CAMTA1: variants seen among roughly 807,000 people sequenced by gnomAD.
CAMTA1 encodes calmodulin binding transcription activator 1, also known as calmodulin-binding transcription activator 1.
CAMTA1 carries 27 observed loss-of-function variants against 170.9 expected under a neutral mutation model. The ratio of observed to expected loss-of-function variants is 0.16; its 90% CI spans 0.12 to 0.22. The LOEUF is 0.22. CAMTA1 is among the 10% of genes least tolerant of loss of function. The probability of loss-of-function intolerance (pLI) is 1.00; values close to 1 mark genes in which losing one functional copy is unlikely to be tolerated. For missense variants in CAMTA1, 1,619 were observed against 2,217.2 expected (o/e 0.73, Z 5.42); for synonymous variants, 833 against 891.5 (o/e 0.93, Z 1.17).
intron 5 of CAMTA1, among the ~76,000 whole-genome samples, chr1:7,424,165 C>G (rs929546281): frequency 6.6e-6 from 1 of 152,166 alleles, no homozygotes; most frequent in African/African-American, 2.4e-5. Context: ...TTCCTACCTT[C>G]AGGGAGGCTG....
intron 11 of CAMTA1, among the ~76,000 whole-genome samples, chr1:7,704,173 G>C (rs1430707398): frequency 6.7e-6 from 1 of 149,330 alleles, no homozygotes; most frequent in African/African-American, 2.4e-5. Context: ...GCCGCCGCAG[G>C]GCGCGCCGGG....
At chr1:7,424,507 A>T (rs1158153891) in intron 5 of CAMTA1, among the ~76,000 whole-genome samples, 1 of 152,036 alleles carries the variant, frequency 6.6e-6, no homozygotes, top group Non-Finnish European at 1.5e-5. Context: ...GGGGATCCAC[A>T]TGGTGACTCC....
At chr1:7,078,912 G>A (rs1639656184) in intron 3 of CAMTA1, among the ~76,000 whole-genome samples, 1 of 152,134 alleles carries the variant, frequency 6.6e-6, no homozygotes, top group Non-Finnish European at 1.5e-5. Flanking sequence ...GAATTTGCAG[G>A]GCAGAATATC....
At position 7,534,616 on chromosome 1, in the gene CAMTA1, G is replaced by A. The variant is rs1303627170; in HGVS notation, c.510+66715G>A. ...TGTCTGGCATGTCCTCGGCGGCACG[G>A]GCTGTGGCCGCAGAAGGCCAGCAGC... On this transcript the variant is annotated intron_variant, in intron 6 of 22. Transcript: ENST00000303635. This position sits in a 1 kb window ranked among gnomAD's most constrained non-coding sequence, Gnocchi z 5.6. Among the ~76,000 whole-genome samples, 1 of 152,180 alleles carries A rather than the reference G, an allele frequency of 6.6e-6. No individual in the cohort carries two copies. The highest frequency in any genetic ancestry group is 1.9e-4 in the East Asian group (1 of 5,170).
intron 5 of CAMTA1, among the ~76,000 whole-genome samples, chr1:7,332,181 T>A (rs890221333): frequency 6.6e-6 from 1 of 152,132 alleles, no homozygotes; most frequent in Non-Finnish European, 1.5e-5. Context: ...TGCCAGTCAC[T>A]CTGAGTTCCC....
chr1:7,335,154 G>GTGTGTGTGTGTGTGTGTGTGTA (rs2083297118), intron 5 of CAMTA1, among the ~76,000 whole-genome samples: 1 of 103,506 alleles, frequency 9.7e-6, no homozygotes, highest in Admixed American at 1.0e-4. Flanking sequence ...GGGGGGGGGG[G>GTGTGTGTGTGTGTGTGTGTGTA]GGGTGGGGGT....
chr1:7,033,027 C>T (rs764467291), intron 3 of CAMTA1, among the ~76,000 whole-genome samples: 4 of 151,910 alleles, frequency 2.6e-5, no homozygotes, highest in Non-Finnish European at 4.4e-5. Context: ...TATGATGTGC[C>T]GTGGTGTAGT....
At chr1:6,984,176 G>C (rs1420000361) in intron 3 of CAMTA1, among the ~76,000 whole-genome samples, 3 of 131,880 alleles carry the variant, frequency 2.3e-5, no homozygotes, top group South Asian at 2.8e-4. Flanking sequence ...AGATGGGTTG[G>C]TAGGTGAGTG....
intron 3 of CAMTA1, among the ~76,000 whole-genome samples, chr1:6,845,924 G>A (rs1426286639): frequency 6.6e-6 from 1 of 152,192 alleles, no homozygotes; most frequent in Admixed American, 6.5e-5. Context: ...CCACATGGCT[G>A]GGGAGGCCTC....
intron 4 of CAMTA1, among the ~76,000 whole-genome samples, chr1:7,134,201 G>C (rs1645418799): frequency 6.6e-6 from 1 of 152,186 alleles, no homozygotes; most frequent in Non-Finnish European, 1.5e-5. Context: ...ACCTCCACCT[G>C]CATCCATGTT....
intron 3 of CAMTA1, among the ~76,000 whole-genome samples, chr1:6,942,847 C>T (rs1180399585): frequency 3.3e-5 from 5 of 152,160 alleles, no homozygotes; most frequent in African/African-American, 9.7e-5. Context: ...CGGCCAGACA[C>T]GATGTTTGCG....
intron 3 of CAMTA1, among the ~76,000 whole-genome samples, chr1:6,853,500 A>G (rs757581487): frequency 2.6e-5 from 4 of 152,200 alleles, no homozygotes; most frequent in Non-Finnish European, 5.9e-5. Context: ...ATTAATCTGA[A>G]AGAAGGCAAG....
chr1:7,012,598 G>A (rs534878585), intron 3 of CAMTA1, among the ~76,000 whole-genome samples: 1 of 152,264 alleles, frequency 6.6e-6, no homozygotes, highest in South Asian at 2.1e-4. Context: ...TGCTGTGGGC[G>A]CTTCTCAGTC....
intron 4 of CAMTA1, among the ~76,000 whole-genome samples, chr1:7,131,840 G>C (rs1441412798): frequency 2.6e-5 from 4 of 152,172 alleles, no homozygotes; most frequent in African/African-American, 9.7e-5. Context: ...TGGATCACCT[G>C]TGGTGAGGAG....
At chr1:6,937,023 C>T (rs1256377635) in intron 3 of CAMTA1, among the ~76,000 whole-genome samples, 1 of 152,000 alleles carries the variant, frequency 6.6e-6, no homozygotes, top group African/African-American at 2.4e-5. Context: ...GAGGATTCCA[C>T]TGCCGTCTCC....
rs370622385 is a variant in CAMTA1, at chr1:7,460,078, T to G, written c.439-7752T>G. On this transcript the variant is annotated intron_variant, in intron 5 of 22. Coordinates refer to ENST00000303635, the MANE Select transcript of CAMTA1 (RefSeq NM_015215.4). ...AAGGCCATCTGCCAGCCGCTCACTG[T>G]GGGTCCCTTAGGGGAGATTCTGCAG... is the stretch of plus-strand genomic sequence containing the variant. Among the ~76,000 whole-genome samples the G allele has an allele frequency of 1.5e-4, 23 of 152,370 alleles. No individual in the cohort carries two copies. The South Asian group carries it at 2.3e-3, about 15-fold the overall frequency.
chr1:6,938,763 G>A (rs1385353092), intron 3 of CAMTA1, among the ~76,000 whole-genome samples: 2 of 152,154 alleles, frequency 1.3e-5, no homozygotes, highest in African/African-American at 2.4e-5. Context: ...GCTCCCTGTG[G>A]CCCATCTGGG....
intron 11 of CAMTA1, among the ~76,000 whole-genome samples, chr1:7,709,155 TATTA>T: frequency 6.6e-6 from 1 of 152,182 alleles, no homozygotes; most frequent in Non-Finnish European, 1.5e-5. Flanking sequence ...ACTCAAGTCT[TATTA>T]ATGAAGCTTT....
chr1:7,346,122 T>C lies in CAMTA1; in HGVS notation c.438+96496T>C, dbSNP rs145990185. Among the ~76,000 whole-genome samples the C allele has an allele frequency of 6.4e-4, 98 of 152,302 alleles. 2 individuals are homozygous for C. The East Asian group carries it at 0.018, about 29-fold the overall frequency. ...TAGTGAAGTCAATGTGTTTATATGG[T>C]TTGAAAGCTCCTGGGGTGAGTTAGT... On this transcript the variant is annotated intron_variant, in intron 5 of 22. Coordinates refer to ENST00000303635, the MANE Select transcript of CAMTA1 (RefSeq NM_015215.4).
Sources: gnomAD v4.1 joint callset for allele counts (sites outside exome capture counted in the v4.1 genomes callset) on GRCh38, gnomAD v4.1.1 for gene constraint, Gnocchi (gnomAD v3.1) non-coding constraint, MANE v1.5 for transcripts, NCBI Gene and HGNC (gene_info 2026-07-23, HGNC 2026-07-21) for gene names.